The following GALNT14 variants were observed in gnomAD, a reference collection of about 807,000 sequenced individuals.
GALNT14 encodes polypeptide N-acetylgalactosaminyltransferase 14, also known as UDP-GalNAc:polypeptide N-acetylgalactosaminyltransferase 14.
In GALNT14, 60 loss-of-function variants were observed where a neutral mutation model predicts 77.5. That is an observed-to-expected ratio of 0.77 (90% confidence interval 0.63 to 0.96). GALNT14 has a LOEUF of 0.96. Among genes scored for constraint, GALNT14 ranks in the 40% least tolerant of loss-of-function variants. GALNT14 has a pLI of 0.00. For synonymous variants in GALNT14, 280 were observed against 281.7 expected, an observed-to-expected ratio of 0.99 and a Z score of 0.06; for missense variants, 710 against 731.0, an observed-to-expected ratio of 0.97 and a Z score of 0.33.
intron 1 of GALNT14, among the ~76,000 whole-genome samples, chr2:31,048,983 C>A (rs1673666662): frequency 6.6e-6 from 1 of 152,204 alleles, no homozygotes; most frequent in Admixed American, 6.5e-5. Context: ...GTTCCTTTCC[C>A]CTTGTCCTGT....
At chr2:30,897,868 T>A in the GALNT14 span, among the ~76,000 whole-genome samples, 1 of 152,192 alleles carries the variant, frequency 6.6e-6, no homozygotes, top group South Asian at 2.1e-4. Context: ...CTTAACCTGT[T>A]TGGGACAAAT....
At chr2:30,940,934 T>G (rs1002574011) in intron 9 of GALNT14, among the ~76,000 whole-genome samples, 1 of 152,234 alleles carries the variant, frequency 6.6e-6, no homozygotes, top group Non-Finnish European at 1.5e-5. Context: ...ACTTTTCTGA[T>G]GCATTTCTCT....
intron 13 of GALNT14, among the ~76,000 whole-genome samples, chr2:30,920,648 C>G (rs891184542): frequency 4.6e-5 from 7 of 152,000 alleles, no homozygotes; most frequent in African/African-American, 1.5e-4. Flanking sequence ...CACACACACA[C>G]ACACACACAC....
chr2:31,086,424 C>G (rs899846313), intron 1 of GALNT14, among the ~76,000 whole-genome samples: 2 of 152,102 alleles, frequency 1.3e-5, no homozygotes, highest in African/African-American at 4.8e-5. Flanking sequence ...TTTCCTTTCC[C>G]TCCCGTGCCA....
At chr2:30,905,412 A>C in the GALNT14 span, among the ~76,000 whole-genome samples, 1 of 152,040 alleles carries the variant, frequency 6.6e-6, no homozygotes, top group Non-Finnish European at 1.5e-5. Flanking sequence ...TACGTGAAGA[A>C]TGCAGAAGCC....
At position 31,138,365 on chromosome 2, in the gene GALNT14, G is replaced by C. The variant is rs1055497248; in HGVS notation, c.-279C>G. 2 of 440,602 alleles carry C rather than the reference G, an allele frequency of 4.5e-6. No homozygotes were observed. Among genetic ancestry groups the C allele is most frequent in the African/African-American group, 4.2e-5 (2 of 47,320 alleles). The allele number at this position is 440,602 out of a possible 1,614,324, so 27.3% of individuals were successfully genotyped here. A position where few individuals can be genotyped will look rare whatever the true frequency, so the allele number is the denominator to read the frequency against. ...CAGCGGGAGAAGCGCGGTGGCTGCCGAGATGTTCCCCACGCCGCCACCGCG... is the reference window on the plus strand; with the variant it reads ...CAGCGGGAGAAGCGCGGTGGCTGCCCAGATGTTCCCCACGCCGCCACCGCG... On this transcript the variant is annotated 5_prime_UTR_variant, in exon 1 of 15. Transcript: ENST00000349752.
At chr2:30,947,581 T>C (rs1450344264) in intron 6 of GALNT14, among the ~76,000 whole-genome samples, 1 of 152,114 alleles carries the variant, frequency 6.6e-6, no homozygotes, top group African/African-American at 2.4e-5. Flanking sequence ...CACCGAAACT[T>C]TTGGACAGCT....
intron 13 of GALNT14, among the ~76,000 whole-genome samples, chr2:30,920,268 G>T (rs1221149230): frequency 1.3e-5 from 2 of 152,142 alleles, no homozygotes; most frequent in African/African-American, 4.8e-5. Flanking sequence ...TTTTGGCCTC[G>T]GCCTGTATCT....
chr2:30,900,092 T>C, the GALNT14 span, among the ~76,000 whole-genome samples: 2 of 152,174 alleles, frequency 1.3e-5, no homozygotes, highest in Non-Finnish European at 2.9e-5. Flanking sequence ...GGGTAAACTA[T>C]GGTGGACCGC....
intron 1 of GALNT14, among the ~76,000 whole-genome samples, chr2:31,134,413 C>G (rs768834252): frequency 1.3e-5 from 2 of 152,216 alleles, no homozygotes; most frequent in South Asian, 2.1e-4. Context: ...CATGATTACA[C>G]GCTAGGAAAA....
At chr2:31,038,084 A>ATTTTTTTTTTT (rs1196402402) in intron 1 of GALNT14, among the ~76,000 whole-genome samples, 1 of 52,650 alleles carries the variant, frequency 1.9e-5, no homozygotes, top group Non-Finnish European at 3.2e-5. Flanking sequence ...ATATATATAT[A>ATTTTTTTTTTT]TTTTTTTTTT....
At chr2:30,899,206 C>T in the GALNT14 span, among the ~76,000 whole-genome samples, 1 of 152,254 alleles carries the variant, frequency 6.6e-6, no homozygotes, top group African/African-American at 2.4e-5. Flanking sequence ...ACCCATTTTC[C>T]TTCCTTCATC....
At chr2:31,007,670 C>G (rs188970104) in intron 1 of GALNT14, among the ~76,000 whole-genome samples, 1 of 152,314 alleles carries the variant, frequency 6.6e-6, no homozygotes. Flanking sequence ...ATTTGCAATT[C>G]AGATGCATTG....
rs149361482 is a variant in GALNT14 at position 31,039,752 on chromosome 2, G to A, written c.130-46745C>T. Among the ~76,000 whole-genome samples the A allele has an allele frequency of 1.2e-4, 19 of 152,104 alleles. No homozygotes were observed. In the East Asian group the frequency reaches 3.1e-3, roughly 25 times the overall value. On this transcript the variant is annotated intron_variant, in intron 1 of 14. Transcript: ENST00000349752. ...GTAACTTAAAAGAACGTGCAGGCCCGCAGGCACACTTACCCTCCTAAGGTG... is the reference window on the plus strand; with the variant it reads ...GTAACTTAAAAGAACGTGCAGGCCCACAGGCACACTTACCCTCCTAAGGTG...
At chr2:31,093,003 AAC>A (rs1341750068) in intron 1 of GALNT14, among the ~76,000 whole-genome samples, 2 of 152,210 alleles carry the variant, frequency 1.3e-5, no homozygotes, top group Non-Finnish European at 2.9e-5. Flanking sequence ...ATATGATTCT[AAC>A]ACAGTTTACT....
At chr2:31,087,780 T>G (rs1010728166) in intron 1 of GALNT14, among the ~76,000 whole-genome samples, 1 of 152,194 alleles carries the variant, frequency 6.6e-6, no homozygotes, top group Admixed American at 6.5e-5. Context: ...TGCTATAGAC[T>G]GAAGGTTTGT....
chr2:30,911,111 G>C (rs1664334129), intron 14 of GALNT14, 52 bp from the exon 15 acceptor site: 1 of 1,563,590 alleles, frequency 6.4e-7, no homozygotes, highest in Non-Finnish European at 8.8e-7. Flanking sequence ...AGTAACATGG[G>C]AGTTCCAGCT....
chr2:31,108,848 C>T (rs1199166319), intron 1 of GALNT14, among the ~76,000 whole-genome samples: 1 of 152,182 alleles, frequency 6.6e-6, no homozygotes, highest in South Asian at 2.1e-4. Flanking sequence ...CAAAGGCAAG[C>T]ACAGCACAGG....
At chr2:30,934,330 C>A (rs1189825726) in intron 9 of GALNT14, among the ~76,000 whole-genome samples, 1 of 152,174 alleles carries the variant, frequency 6.6e-6, no homozygotes, top group African/African-American at 2.4e-5. Flanking sequence ...TCTCCAGAGA[C>A]TCAAAACAGG....
Sources: gnomAD v4.1 joint callset for allele counts (sites outside exome capture counted in the v4.1 genomes callset) on GRCh38, gnomAD v4.1.1 for gene constraint, MANE v1.5 for transcripts, NCBI Gene and HGNC (gene_info 2026-07-23, HGNC 2026-07-21) for gene names.